The following LHFPL6 variants were observed in gnomAD, a reference collection of about 807,000 sequenced individuals.
The protein encoded by LHFPL6 is LHFPL tetraspan subfamily member 6 protein.
In LHFPL6, 9 loss-of-function variants were observed where a neutral mutation model predicts 20.6. That is an observed-to-expected ratio of 0.44 (90% CI 0.26 to 0.76). The LOEUF is 0.76. LHFPL6 is among the 30% of genes least tolerant of loss of function. The pLI, the probability that LHFPL6 is intolerant of heterozygous loss-of-function variation, is 0.20. For missense variants in LHFPL6, 218 were observed against 253.5 expected (o/e 0.86, Z 0.95); for synonymous variants, 105 against 98.7 (o/e 1.06, Z -0.38).
chr13:39,600,330 A>T (rs1872895562), intron 2 of LHFPL6, among the ~76,000 whole-genome samples: 1 of 152,226 alleles, frequency 6.6e-6, no homozygotes, highest in African/African-American at 2.4e-5. Flanking sequence ...TAAAATAGTT[A>T]ACATTTATTT....
At chr13:39,400,549 C>T (rs371468703) in intron 2 of LHFPL6, among the ~76,000 whole-genome samples, 36 of 151,892 alleles carry the variant, frequency 2.4e-4, no homozygotes, top group East Asian at 7.8e-4. Context: ...TTTGGGAGGC[C>T]GAGGCGGGCG....
chr13:39,469,321 C>A (rs1441057945), intron 2 of LHFPL6, among the ~76,000 whole-genome samples: 1 of 152,208 alleles, frequency 6.6e-6, no homozygotes, highest in Non-Finnish European at 1.5e-5. Flanking sequence ...TATCTCCGCC[C>A]TCTCCTCTGC....
chr13:39,508,367 T>C (rs758647415), intron 2 of LHFPL6, among the ~76,000 whole-genome samples: 43 of 152,260 alleles, frequency 2.8e-4, no homozygotes, highest in Non-Finnish European at 4.3e-4. Flanking sequence ...AAGTACACAA[T>C]TGATAAATTT....
rs1371866154 is a variant in LHFPL6, at chr13:39,516,021, C to A, written c.385+84811G>T. 5.3e-5 allele frequency among the ~76,000 whole-genome samples: 8 copies of A among 152,036 alleles called. No homozygotes were observed. The East Asian group carries it at 1.5e-3, about 29-fold the overall frequency. The stretch of plus-strand genomic sequence containing the variant: ...GATATATTTAAATTAAATTTCAACC[C>A]AGGAATTTTTCAAAGTATTTTGCAT... On this transcript the variant is annotated intron_variant, in intron 2 of 3. Coordinates refer to ENST00000379589, the MANE Select transcript of LHFPL6 (RefSeq NM_005780.3).
intron 2 of LHFPL6, among the ~76,000 whole-genome samples, chr13:39,571,797 C>T (rs1871924416): frequency 6.6e-6 from 1 of 152,244 alleles, no homozygotes; most frequent in Non-Finnish European, 1.5e-5. Flanking sequence ...GGGTCATGGG[C>T]ACCCTCACAG....
chr13:39,438,808 G>A (rs1872034146), intron 2 of LHFPL6, among the ~76,000 whole-genome samples: 2 of 152,364 alleles, frequency 1.3e-5, no homozygotes, highest in Non-Finnish European at 2.9e-5. Context: ...AAACCTGCAG[G>A]TATGCAGAGT....
intron 2 of LHFPL6, among the ~76,000 whole-genome samples, chr13:39,518,698 G>A (rs1870007596): frequency 6.6e-6 from 1 of 152,076 alleles, no homozygotes; most frequent in Non-Finnish European, 1.5e-5. Flanking sequence ...CTCAGCTTTT[G>A]CATCTACTAG....
chr13:39,533,727 C>A (rs2138497217), intron 2 of LHFPL6, among the ~76,000 whole-genome samples: 1 of 152,300 alleles, frequency 6.6e-6, no homozygotes. Flanking sequence ...ATTTCTATGG[C>A]AGATTGGAAG....
intron 2 of LHFPL6, among the ~76,000 whole-genome samples, chr13:39,397,327 A>G (rs1870869230): frequency 6.6e-6 from 1 of 152,122 alleles, no homozygotes; most frequent in East Asian, 1.9e-4. Context: ...ACATAACACC[A>G]TCAATCTCTG....
At chr13:39,558,480 T>C (rs1057190317) in intron 2 of LHFPL6, among the ~76,000 whole-genome samples, 2 of 152,212 alleles carry the variant, frequency 1.3e-5, no homozygotes, top group Non-Finnish European at 2.9e-5. Context: ...ATAATGCGCT[T>C]CTTTATTTTT....
intron 2 of LHFPL6, among the ~76,000 whole-genome samples, chr13:39,435,085 A>AAG: frequency 6.6e-6 from 1 of 151,150 alleles, no homozygotes; most frequent in Non-Finnish European, 1.5e-5. Context: ...AAAAAAAAAA[A>AAG]AAGAAGTAAA....
intron 2 of LHFPL6, among the ~76,000 whole-genome samples, chr13:39,465,951 T>G (rs1449116528): frequency 1.3e-5 from 2 of 151,934 alleles, no homozygotes; most frequent in Non-Finnish European, 2.9e-5. Flanking sequence ...GGTGGCGGCT[T>G]CCTCCACCAT....
At chr13:39,345,292 C>T (rs1334155805) in intron 3 of LHFPL6, among the ~76,000 whole-genome samples, 2 of 151,958 alleles carry the variant, frequency 1.3e-5, no homozygotes, top group Non-Finnish European at 2.9e-5. Context: ...GCGGGTGGAT[C>T]ACCTGCGGTC....
chr13:39,351,337 G>C (rs1432733674), intron 3 of LHFPL6, among the ~76,000 whole-genome samples: 2 of 151,988 alleles, frequency 1.3e-5, no homozygotes, highest in Non-Finnish European at 2.9e-5. Flanking sequence ...TTCTCACTTT[G>C]AAGATGCAGA....
At chr13:39,577,270 C>T (rs141185323) in intron 2 of LHFPL6, among the ~76,000 whole-genome samples, 89 of 152,264 alleles carry the variant, frequency 5.8e-4, no homozygotes, top group African/African-American at 2.0e-3. Context: ...AGAGCACCCC[C>T]GCCTTCTCTC....
intron 2 of LHFPL6, among the ~76,000 whole-genome samples, chr13:39,589,795 T>C (rs999722520): frequency 1.3e-5 from 2 of 152,214 alleles, no homozygotes; most frequent in African/African-American, 4.8e-5. Context: ...GTTAAATAAT[T>C]TTTAAAAGAC....
At chr13:39,585,041 C>T (rs1472829961) in intron 2 of LHFPL6, among the ~76,000 whole-genome samples, 1 of 152,212 alleles carries the variant, frequency 6.6e-6, no homozygotes, top group Non-Finnish European at 1.5e-5. Flanking sequence ...GAGTCCACTG[C>T]TTTATGTGTG....
At chr13:39,344,424 A>T (rs1252364224) in intron 3 of LHFPL6, among the ~76,000 whole-genome samples, 1 of 152,244 alleles carries the variant, frequency 6.6e-6, no homozygotes, top group Non-Finnish European at 1.5e-5. Flanking sequence ...AGGGAAAAAA[A>T]TATAAATGTT....
At chr13:39,435,062 CA>C (rs55701240) in intron 2 of LHFPL6, among the ~76,000 whole-genome samples, 111 of 53,348 alleles carry the variant, frequency 2.1e-3, no homozygotes, top group African/African-American at 8.0e-3. Context: ...GACTCCGTCT[CA>C]AAAAAAAAAA....
Sources: gnomAD v4.1 joint callset for allele counts (sites outside exome capture counted in the v4.1 genomes callset) on GRCh38, gnomAD v4.1.1 for gene constraint, MANE v1.5 for transcripts, NCBI Gene and HGNC (gene_info 2026-07-23, HGNC 2026-07-21) for gene names.